The following TNRC18 variants were observed in gnomAD, a reference collection of about 807,000 sequenced individuals.
TNRC18 encodes the protein trinucleotide repeat-containing gene 18 protein.
Under a neutral mutation model 226.7 loss-of-function variants are expected in TNRC18, and 69 were observed. The ratio of observed to expected loss-of-function variants is 0.30; its 90% confidence interval spans 0.25 to 0.37. TNRC18 has a LOEUF of 0.37. Among genes scored for constraint, TNRC18 ranks in the 10% least tolerant of loss-of-function variants. The pLI, the probability that TNRC18 is intolerant of heterozygous loss-of-function variation, is 1.00. For missense variants in TNRC18, 4,754 were observed against 4,256.6 expected (o/e 1.12, Z -3.25); for synonymous variants, 2,449 against 1,927.6 (o/e 1.27, Z -7.09).
intron 5 of TNRC18, among the ~76,000 whole-genome samples, chr7:5,380,455 G>A (rs947397694): frequency 6.6e-6 from 1 of 152,198 alleles, no homozygotes; most frequent in African/African-American, 2.4e-5. Flanking sequence ...CTGCAGGAAG[G>A]TGGGAACCCA....
Position 5,332,974 on chromosome 7 carries a change from G to A in TNRC18, c.5795C>T (p.Pro1932Leu). ...RKRSPAGLLR[P>L]KKGLGEPGPS... ...TCCCGGCTCCCCCAGCCCCTTCTTG[G>A]GCCGCAGCAGCCCCGCAGGCGACCG... is the stretch of plus-strand genomic sequence containing the variant. The change falls in exon 19 of 30, where the codon CCC (proline) becomes CTC (leucine). Residue 1932 changes from proline to leucine, a missense_variant. Physicochemically the swap from Pro to Leu is moderately conservative, Grantham distance 98. Transcript: ENST00000430969. The A allele has an allele frequency of 1.3e-6, 2 of 1,566,072 alleles. No homozygotes were observed. Among genetic ancestry groups the A allele is most frequent in the African/African-American group, 1.3e-5 (1 of 74,314 alleles).
At position 5,371,032 on chromosome 7, in the gene TNRC18, C is replaced by T. The variant is rs1554289698; in HGVS notation, c.3562G>A (p.Ala1188Thr). ...PLPLPAAEAM[A>T]TPSPAGGCGG... The stretch of plus-strand genomic sequence containing the variant: ...CAACCCCCTGCAGGGCTGGGGGTAG[C>T]CATGGCTTCCGCGGCGGGCAGTGGC... The change falls in exon 11 of 30, where the codon GCT (alanine) becomes ACT (threonine). Residue 1188 changes from alanine (A) to threonine (T), a missense_variant. Coordinates refer to ENST00000430969, the MANE Select transcript of TNRC18 (RefSeq NM_001080495.3). 1 of 1,609,812 alleles carries T rather than the reference C, an allele frequency of 6.2e-7. No individual in the cohort carries two copies.
At chr7:5,379,247 G>C (rs940213875) in intron 5 of TNRC18, among the ~76,000 whole-genome samples, 10 of 151,666 alleles carry the variant, frequency 6.6e-5, no homozygotes, top group African/African-American at 2.4e-4. Context: ...AAAATTAGGC[G>C]GGCATGGTGG....
intron 3 of TNRC18, among the ~76,000 whole-genome samples, chr7:5,393,614 A>AG (rs1780455448): frequency 7.7e-6 from 1 of 129,908 alleles, no homozygotes; most frequent in Non-Finnish European, 1.8e-5. Flanking sequence ...ACCTGGGAGG[A>AG]GGAAGGAGGA....
chr7:5,367,894 T>G lies in TNRC18; in HGVS notation c.4219+2481A>C, dbSNP rs569956233. Among the ~76,000 whole-genome samples the G allele has an allele frequency of 3.4e-3, 511 of 152,254 alleles. 3 individuals are homozygous for G. The highest frequency in any genetic ancestry group is 4.4e-3 in the Non-Finnish European group (302 of 68,006). ...GCAGCGTGGCTTCTCCAGGCTTCCTTGAGGGCCATCTGACCATGACAGTCA... is the reference window on the plus strand; with the variant it reads ...GCAGCGTGGCTTCTCCAGGCTTCCTGGAGGGCCATCTGACCATGACAGTCA... On this transcript the variant is annotated intron_variant, in intron 11 of 29. Coordinates refer to ENST00000430969, the MANE Select transcript of TNRC18 (RefSeq NM_001080495.3).
chr7:5,309,582 T>C lies in TNRC18; in HGVS notation c.8389-214A>G, dbSNP rs571074937. Among the ~76,000 whole-genome samples, 1 of 152,348 alleles carries C rather than the reference T, an allele frequency of 6.6e-6. No homozygotes were observed. Among genetic ancestry groups the C allele is most frequent in the South Asian group, 2.1e-4 (1 of 4,828 alleles). On this transcript the variant is annotated intron_variant, in intron 27 of 29. Transcript: ENST00000430969. The surrounding 1 kb of genome is among the most constrained non-coding windows in gnomAD (Gnocchi z 5.7). ...CTGGGTCTCCAAGAGGCGCTTCCCT[T>C]GATCTAAGCATTCTGCCGCTACAAG...
In TNRC18 at chr7:5,388,030, G is replaced by A. The variant is rs745333413; in HGVS notation, c.1794C>T (p.Asp598=). Residue 598 remains aspartate, a synonymous_variant, in exon 5 of 30, where the codon GAC becomes GAT. Coordinates refer to ENST00000430969, the MANE Select transcript of TNRC18 (RefSeq NM_001080495.3). ...LIKYSGSFAR[D]AVAVRPGGCG... ...AGCCACCAGGGCGCACGGCCACGGC[G>A]TCCCGGGCAAAGCTGCCACTGTACT... The A allele has an allele frequency of 8.3e-6, 13 of 1,566,506 alleles. No individual in the cohort carries two copies. Among genetic ancestry groups the A allele is most frequent in the Admixed American group, 5.7e-5 (3 of 52,752 alleles).
In TNRC18 at chr7:5,324,315, C is replaced by T. The variant is rs758365554; in HGVS notation, c.6341G>A (p.Ser2114Asn). The part of the protein sequence containing the change: ...KGGAVSKLME[S>N]MAAEEDFEPN... The stretch of plus-strand genomic sequence containing the variant: ...TTCAAAGTCCTCCTCGGCTGCCATG[C>T]TCTCCATCAGCTTGCTCACGGCACC... Residue 2114 changes from serine to asparagine, a missense_variant, in exon 21 of 30, where the codon AGC (serine) becomes AAC (asparagine). Ser to Asn is a conservative substitution (Grantham distance 46, BLOSUM62 1). Coordinates refer to ENST00000430969, the MANE Select transcript of TNRC18 (RefSeq NM_001080495.3). The surrounding 1 kb of genome is among the most constrained non-coding windows in gnomAD (Gnocchi z 4.8). 5 of 1,613,536 alleles carry T rather than the reference C, an allele frequency of 3.1e-6. No homozygotes were observed. Among genetic ancestry groups the T allele is most frequent in the Non-Finnish European group, 4.2e-6 (5 of 1,179,732 alleles).
At chr7:5,341,186 C>T (rs573241304) in intron 18 of TNRC18, among the ~76,000 whole-genome samples, 8 of 143,406 alleles carry the variant, frequency 5.6e-5, no homozygotes, top group South Asian at 2.3e-4. Context: ...CTGAGGCAGG[C>T]GGATCACGAT....
chr7:5,322,644 G>T (rs1788495168), intron 21 of TNRC18, among the ~76,000 whole-genome samples: 1 of 152,174 alleles, frequency 6.6e-6, no homozygotes, highest in African/African-American at 2.4e-5. Flanking sequence ...TGAATGCCCG[G>T]GGGCAAACTT....
chr7:5,361,977 C>G lies in TNRC18; in HGVS notation c.4452G>C (p.Arg1484=). 1 of 1,613,466 alleles carries G rather than the reference C, an allele frequency of 6.2e-7. No individual in the cohort carries two copies. The highest frequency in any genetic ancestry group is 8.5e-7 in the Non-Finnish European group (1 of 1,179,758). Residue 1484 remains arginine, a synonymous_variant, in exon 13 of 30, where the codon CGG becomes CGC. Coordinates refer to ENST00000430969, the MANE Select transcript of TNRC18 (RefSeq NM_001080495.3). ...GGCGCTGCACCTCGGCCAGCCGCAT[C>G]CGGAAGTCCAGCTCCAGGGCGTCCA... The part of the protein sequence containing the change: ...EDMDALELDF[R]MRLAEVQRQY...
rs1196904711 is a variant in TNRC18, at chr7:5,370,660, C to T, written c.3934G>A (p.Glu1312Lys). ...EGQCPSLEPQ[E>K]AVPVLGSTCF... ...GTGCTGCCGAGTACAGGCACGGCCT[C>T]TTGGGGCTCCAGGCTCGGGCACTGT... Residue 1312 changes from glutamate (E) to lysine (K), a missense_variant, in exon 11 of 30, where the codon GAG becomes AAG. Physicochemically the swap from Glu to Lys is moderately conservative, Grantham distance 56 (BLOSUM62 1). Coordinates refer to ENST00000430969, the MANE Select transcript of TNRC18 (RefSeq NM_001080495.3). The T allele has an allele frequency of 6.2e-7, 1 of 1,612,868 alleles. No individual in the cohort carries two copies. Among genetic ancestry groups the T allele is most frequent in the Non-Finnish European group, 8.5e-7 (1 of 1,179,738 alleles).
intron 2 of TNRC18, among the ~76,000 whole-genome samples, chr7:5,402,178 C>CA (rs35794476): frequency 0.14 from 10,263 of 70,888 alleles, 1,240 homozygotes; most frequent in African/African-American, 0.31. Context: ...GACTCTGTCT[C>CA]AAAAAAAAAA....
intron 11 of TNRC18, among the ~76,000 whole-genome samples, chr7:5,367,712 G>A (rs939809858): frequency 2.6e-5 from 4 of 151,350 alleles, no homozygotes; most frequent in Non-Finnish European, 5.9e-5. Context: ...ACAGGCGTGT[G>A]CCACCGTGCC....
At chr7:5,376,712 T>G in intron 8 of TNRC18, 135 bp downstream of exon 8, 1 of 1,073,742 alleles carries the variant, frequency 9.3e-7, no homozygotes, top group Non-Finnish European at 1.3e-6. Context: ...AGATGTTCTC[T>G]CTGAACCCCG....
chr7:5,340,503 G>A (rs993592197), intron 18 of TNRC18, among the ~76,000 whole-genome samples: 5 of 152,150 alleles, frequency 3.3e-5, no homozygotes, highest in African/African-American at 7.2e-5. Context: ...TTGGGAGGCC[G>A]AGGCGAGAGG....
intron 5 of TNRC18, among the ~76,000 whole-genome samples, chr7:5,381,646 GAAAGA>G (rs1779405716): frequency 6.6e-6 from 1 of 152,076 alleles, no homozygotes. Flanking sequence ...AAAAAGAAAG[GAAAGA>G]AGGAAAGACT....
intron 11 of TNRC18, among the ~76,000 whole-genome samples, chr7:5,367,547 C>A (rs1435218237): frequency 2.0e-5 from 3 of 151,274 alleles, no homozygotes; most frequent in Admixed American, 1.3e-4. Flanking sequence ...CCTGCCTCAG[C>A]CTCCCGAGTA....
chr7:5,359,117 G>T (rs147236107), intron 15 of TNRC18, among the ~76,000 whole-genome samples: 22 of 152,244 alleles, frequency 1.4e-4, no homozygotes, highest in Middle Eastern at 3.4e-3. Flanking sequence ...TCTCTCCTTG[G>T]CTTTAGCAAA....
Sources: allele counts gnomAD v4.1 joint callset (sites outside exome capture counted in the v4.1 genomes callset), GRCh38; gene constraint gnomAD v4.1.1; non-coding constraint Gnocchi (gnomAD v3.1); transcripts MANE v1.5; gene names NCBI Gene and HGNC (gene_info 2026-07-23, HGNC 2026-07-21).